The following SNTG2 variants were observed in gnomAD, a reference collection of about 807,000 sequenced individuals.
SNTG2 encodes the protein gamma-2-syntrophin.
A neutral mutation model predicts 70.9 loss-of-function variants in SNTG2; 74 were observed. The ratio of observed to expected loss-of-function variants is 1.04; its 90% CI spans 0.86 to 1.27. The LOEUF (loss-of-function observed/expected upper bound fraction) is 1.27. Among genes scored for constraint, SNTG2 ranks in the 50% most tolerant of loss-of-function variants. The pLI, the probability that SNTG2 is intolerant of heterozygous loss-of-function variation, is 0.00. For synonymous variants in SNTG2, 278 were observed against 273.8 expected, an observed-to-expected ratio of 1.02 and a Z score of -0.15; for missense variants, 717 against 690.7, an observed-to-expected ratio of 1.04 and a Z score of -0.43.
chr2:982,466 C>T lies in SNTG2; in HGVS notation c.72+31398C>T, dbSNP rs182100679. Among the ~76,000 whole-genome samples the T allele has an allele frequency of 2.6e-4, 40 of 152,258 alleles. No individual in the cohort carries two copies. In the East Asian group the frequency reaches 3.9e-3, roughly 15 times the overall value. On this transcript the variant is annotated intron_variant, in intron 1 of 16. Coordinates refer to ENST00000308624, the MANE Select transcript of SNTG2 (RefSeq NM_018968.4). ...ATCCCTACTGCAGGGGTGAAAACAC[C>T]GGAGACTCTGCAGGTTGCTTTTCTA... is the stretch of plus-strand genomic sequence containing the variant.
chr2:981,861 A>G (rs985345088), intron 1 of SNTG2, among the ~76,000 whole-genome samples: 1 of 152,210 alleles, frequency 6.6e-6, no homozygotes, highest in African/African-American at 2.4e-5. Context: ...ACACACGTCC[A>G]CACAGATGCA....
At chr2:1,319,136 A>G (rs1415024862) in intron 16 of SNTG2, among the ~76,000 whole-genome samples, 1 of 152,244 alleles carries the variant, frequency 6.6e-6, no homozygotes, top group Non-Finnish European at 1.5e-5. Flanking sequence ...TGAGACCAGT[A>G]TCAGGTCACC....
chr2:1,288,638 A>T (rs1030574296), intron 14 of SNTG2, among the ~76,000 whole-genome samples: 12 of 135,904 alleles, frequency 8.8e-5, no homozygotes, highest in South Asian at 2.3e-4. Context: ...CACAGCACAC[A>T]CATGAAGATA....
intron 13 of SNTG2, among the ~76,000 whole-genome samples, chr2:1,265,859 C>G (rs773599735): frequency 2.6e-5 from 4 of 152,206 alleles, no homozygotes; most frequent in Non-Finnish European, 5.9e-5. Context: ...ACACCACATT[C>G]TCATTCAGGA....
At chr2:1,132,308 C>A (rs1050464775) in intron 4 of SNTG2, among the ~76,000 whole-genome samples, 1 of 151,988 alleles carries the variant, frequency 6.6e-6, no homozygotes, top group African/African-American at 2.4e-5. Context: ...TGACAGCATG[C>A]ATTTAATCTG....
chr2:1,170,159 TAAAC>T (rs34062680), intron 7 of SNTG2, among the ~76,000 whole-genome samples: 40,635 of 151,852 alleles, frequency 0.27, 5,958 homozygotes, highest in East Asian at 0.44. Flanking sequence ...AAAGAGAAAA[TAAAC>T]AACCGTTTGA....
intron 14 of SNTG2, among the ~76,000 whole-genome samples, chr2:1,304,726 CTCA>C (rs1680601273): frequency 1.3e-5 from 1 of 76,214 alleles, no homozygotes; most frequent in African/African-American, 5.6e-5. Flanking sequence ...AACTCTCTCT[CTCA>C]AAAAAAAAAA....
At chr2:988,497 C>T (rs758290675) in intron 1 of SNTG2, among the ~76,000 whole-genome samples, 1 of 152,108 alleles carries the variant, frequency 6.6e-6, no homozygotes, top group Non-Finnish European at 1.5e-5. Flanking sequence ...AAAACTCACC[C>T]GTGAGGATGC....
intron 1 of SNTG2, among the ~76,000 whole-genome samples, chr2:1,002,894 A>G (rs1355890666): frequency 4.6e-5 from 7 of 151,474 alleles, no homozygotes; most frequent in African/African-American, 1.5e-4. Context: ...TTATATATAT[A>G]TATATATTTA....
chr2:1,001,890 G>T (rs1456246798), intron 1 of SNTG2, among the ~76,000 whole-genome samples: 2 of 151,904 alleles, frequency 1.3e-5, no homozygotes, highest in African/African-American at 4.8e-5. Context: ...TTAACCAAAA[G>T]AGCATGGTCC....
intron 2 of SNTG2, among the ~76,000 whole-genome samples, chr2:1,088,806 CT>C (rs1664838763): frequency 6.6e-6 from 1 of 152,210 alleles, no homozygotes; most frequent in Admixed American, 6.5e-5. Flanking sequence ...ACTAACTACA[CT>C]TCTGTAAGGC....
intron 16 of SNTG2, among the ~76,000 whole-genome samples, chr2:1,339,312 T>G (rs1254176351): frequency 6.6e-6 from 1 of 152,250 alleles, no homozygotes; most frequent in African/African-American, 2.4e-5. Context: ...ATTCTGTAGT[T>G]TGTCTTTTCT....
At chr2:955,345 C>T (rs1041575294) in intron 1 of SNTG2, among the ~76,000 whole-genome samples, 1 of 152,226 alleles carries the variant, frequency 6.6e-6, no homozygotes, top group Non-Finnish European at 1.5e-5. Context: ...GGCACCGAAT[C>T]GTGTTATTAT....
intron 10 of SNTG2, among the ~76,000 whole-genome samples, chr2:1,239,265 TGGCTGTG>T (rs1328240064): frequency 2.6e-5 from 4 of 152,192 alleles, no homozygotes; most frequent in South Asian, 2.1e-4. Context: ...CCCGGCTGTG[TGGCTGTG>T]GGCTGTGGGA....
In SNTG2 at chr2:1,083,643, C is replaced by T; in HGVS notation, c.198C>T (p.His66=). 6.2e-7 allele frequency: 1 copy of T among 1,613,708 alleles called. No homozygotes were observed. Among genetic ancestry groups the T allele is most frequent in the Non-Finnish European group, 8.5e-7 (1 of 1,179,698 alleles). Residue 66 remains histidine (H), a synonymous_variant, in exon 2 of 17, where the codon CAC becomes CAT. Coordinates refer to ENST00000308624, the MANE Select transcript of SNTG2 (RefSeq NM_018968.4). The stretch of plus-strand genomic sequence containing the variant: ...ATGTTGTCTGTGTGGGCGGAAGCCA[C>T]CAGGGCAGGAATGTAAGTGCCATCA... The part of the protein sequence containing the change: ...KQDVVCVGGS[H]QGRNRRTVTL...
At chr2:1,271,842 A>G (rs1386526393) in intron 14 of SNTG2, among the ~76,000 whole-genome samples, 2 of 151,904 alleles carry the variant, frequency 1.3e-5, no homozygotes, top group African/African-American at 4.8e-5. Context: ...TTGGCTTCTC[A>G]TCAAGGGAAC....
intron 7 of SNTG2, among the ~76,000 whole-genome samples, chr2:1,171,075 ATTGT>A (rs1337021807): frequency 2.6e-5 from 4 of 152,228 alleles, no homozygotes; most frequent in Admixed American, 6.5e-5. Context: ...TTCTAATATG[ATTGT>A]TTATTTTTGA....
intron 1 of SNTG2, among the ~76,000 whole-genome samples, chr2:956,741 C>T (rs2147941539): frequency 1.3e-5 from 2 of 152,364 alleles, no homozygotes; most frequent in South Asian, 4.1e-4. Context: ...GTAGCTGACC[C>T]ATGTGTCAGT....
chr2:978,222 G>C (rs1485758044), intron 1 of SNTG2, among the ~76,000 whole-genome samples: 2 of 152,198 alleles, frequency 1.3e-5, no homozygotes, highest in Non-Finnish European at 2.9e-5. Context: ...GGTGCAGGAT[G>C]ATGCGGGAGT....
Sources: allele counts gnomAD v4.1 joint callset (sites outside exome capture counted in the v4.1 genomes callset), GRCh38; gene constraint gnomAD v4.1.1; transcripts MANE v1.5; gene names NCBI Gene and HGNC (gene_info 2026-07-23, HGNC 2026-07-21).